The following AHR variants were observed in gnomAD, a reference collection of about 807,000 sequenced individuals.
AHR encodes the protein aryl hydrocarbon receptor, also known as AH-receptor.
In AHR, 40 loss-of-function variants were observed where a neutral mutation model predicts 86.8. The observed-to-expected ratio is 0.46, with a 90% CI of 0.36 to 0.60. The LOEUF is 0.60. AHR is among the 20% of genes least tolerant of loss of function. AHR has a pLI of 0.00. For synonymous variants in AHR, 398 were observed against 354.9 expected, an observed-to-expected ratio of 1.12 and a Z score of -1.37; for missense variants, 1,001 against 1,011.6, an observed-to-expected ratio of 0.99 and a Z score of 0.14.
chr7:17,342,940 A>G lies in AHR; in HGVS notation c.2423A>G (p.Asn808Ser), dbSNP rs1253680357. The G allele has an allele frequency of 2.5e-6, 4 of 1,612,582 alleles. No homozygotes were observed. Among genetic ancestry groups the G allele is most frequent in the South Asian group, 2.2e-5 (2 of 90,530 alleles). Residue 808 changes from asparagine (N) to serine (S), a missense_variant, in exon 11 of 11, where the codon AAT becomes AGT. Around this residue, in one of 2 missense-constraint regions of AHR, gnomAD observed 607 missense variants for 543.1 expected, o/e 1.12. Coordinates refer to ENST00000242057, the MANE Select transcript of AHR (RefSeq NM_001621.5). Reference protein sequence around the residue: ...FLNKFQNGVLNETYPAELNNI... With the variant: ...FLNKFQNGVLSETYPAELNNI... ...TTTCAGTTTCAGAATGGAGTTTTAAATGAAACATATCCAGCTGAATTAAAT... is the reference window on the plus strand; with the variant it reads ...TTTCAGTTTCAGAATGGAGTTTTAAGTGAAACATATCCAGCTGAATTAAAT...
chr7:17,329,658 T>C (rs1250897086), intron 4 of AHR, among the ~76,000 whole-genome samples: 1 of 151,894 alleles, frequency 6.6e-6, no homozygotes, highest in Non-Finnish European at 1.5e-5. Context: ...ATATGGAACA[T>C]AAACAGATTT....
chr7:17,334,377 G>C (rs73081742), intron 7 of AHR, among the ~76,000 whole-genome samples: 1 of 151,850 alleles, frequency 6.6e-6, no homozygotes, highest in African/African-American at 2.4e-5. Context: ...ATTTATGTTG[G>C]TTTGTTTTAC....
In AHR at chr7:17,331,016, G is replaced by A; in HGVS notation, c.705+130G>A. ...ATCAGGCAACCCTCAGAACCAGAGA[G>A]CTTCAGAGAGCTCACTTAAAAACAT... On this transcript the variant is annotated intron_variant, in intron 6 of 10. Coordinates refer to ENST00000242057, the MANE Select transcript of AHR (RefSeq NM_001621.5). 2.8e-5 allele frequency: 26 copies of A among 922,334 alleles called. 1 individual carries two copies. The highest frequency in any genetic ancestry group is 4.1e-5 in the Non-Finnish European group (26 of 638,124). The allele number at this position is 922,334 out of a possible 1,614,324, so 57.1% of individuals were successfully genotyped here. A position where few individuals can be genotyped will look rare whatever the true frequency, so the allele number is the denominator to read the frequency against.
intron 3 of AHR, among the ~76,000 whole-genome samples, chr7:17,323,244 GT>G (rs1400919461): frequency 6.6e-6 from 1 of 152,054 alleles, no homozygotes; most frequent in Non-Finnish European, 1.5e-5. Flanking sequence ...TTTATGGAAT[GT>G]ATCTCTATTA....
intron 9 of AHR, chr7:17,336,027 T>A: frequency 8.6e-6 from 3 of 349,882 alleles, no homozygotes; most frequent in Middle Eastern, 7.5e-4. Context: ...ATCTTGGGCA[T>A]ATGAAAGACA....
intron 7 of AHR, 57 bp downstream of exon 7, chr7:17,334,171 C>G: frequency 6.9e-7 from 1 of 1,447,186 alleles, no homozygotes; most frequent in Non-Finnish European, 9.7e-7. Flanking sequence ...TTCAGTAAGT[C>G]TCTCTTAGCA....
At chr7:17,337,783 G>A (rs1359650204) in intron 9 of AHR, among the ~76,000 whole-genome samples, 2 of 151,222 alleles carry the variant, frequency 1.3e-5, no homozygotes, top group Admixed American at 1.3e-4. Context: ...CCCTTTTTAC[G>A]TTTTTCTATG....
Position 17,339,071 on chromosome 7 carries a change from G to T in AHR, c.1246G>T (p.Ala416Ser), listed in dbSNP as rs748278630. Residue 416 changes from alanine to serine, a missense_variant, in exon 10 of 11, where the codon GCA (alanine) becomes TCA (serine). Coordinates refer to ENST00000242057, the MANE Select transcript of AHR (RefSeq NM_001621.5). Reference protein sequence around the residue: ...FTTGEAVLYEATNPFPAIMDP... With the variant: ...FTTGEAVLYESTNPFPAIMDP... ...CACTGGAGAAGCTGTGTTGTATGAGGCAACCAACCCTTTTCCTGCCATAAT... is the reference window on the plus strand; with the variant it reads ...CACTGGAGAAGCTGTGTTGTATGAGTCAACCAACCCTTTTCCTGCCATAAT... The T allele has an allele frequency of 6.2e-7, 1 of 1,614,052 alleles. No homozygotes were observed. The highest frequency in any genetic ancestry group is 1.1e-5 in the South Asian group (1 of 91,074).
chr7:17,336,193 A>G (rs1782353078), intron 9 of AHR: 1 of 155,682 alleles, frequency 6.4e-6, no homozygotes, highest in Non-Finnish European at 1.4e-5. Context: ...GTTTCCTCCC[A>G]CTCTGGAGAA....
intron 5 of AHR, among the ~76,000 whole-genome samples, chr7:17,330,373 C>A (rs1181355680): frequency 6.6e-6 from 1 of 151,788 alleles, no homozygotes; most frequent in East Asian, 1.9e-4. Context: ...AAGGTTGATA[C>A]CTGAGTGCAT....
At chr7:17,310,782 C>T (rs772274840) in intron 2 of AHR, among the ~76,000 whole-genome samples, 4 of 152,080 alleles carry the variant, frequency 2.6e-5, no homozygotes, top group Non-Finnish European at 5.9e-5. Flanking sequence ...GTGATCTGCC[C>T]GTCTCAGCCT....
In AHR at chr7:17,329,945, T is replaced by C. The variant is rs1782268669; in HGVS notation, c.451-7T>C. On this transcript the variant is annotated splice_region_variant and splice_polypyrimidine_tract_variant and intron_variant, in intron 4 of 10. Coordinates refer to ENST00000242057, the MANE Select transcript of AHR (RefSeq NM_001621.5). Reference sequence around the variant, plus strand: ...TTTGTTGTATTCCTTGTATCTTTTTTCTTTAGTCTGATGTCATACATCAGA... The same window carrying C: ...TTTGTTGTATTCCTTGTATCTTTTTCCTTTAGTCTGATGTCATACATCAGA... 1 of 1,597,194 alleles carries C rather than the reference T, an allele frequency of 6.3e-7. No individual in the cohort carries two copies.
At chr7:17,342,881 G>T in intron 10 of AHR, 40 bp from the exon 11 acceptor site, 1 of 1,578,536 alleles carries the variant, frequency 6.3e-7, no homozygotes, top group Non-Finnish European at 8.7e-7. Context: ...ATACTTGGAA[G>T]ATCTATTCCA....
chr7:17,338,480 G>A (rs991599362), intron 9 of AHR, among the ~76,000 whole-genome samples: 2 of 152,124 alleles, frequency 1.3e-5, no homozygotes, highest in Non-Finnish European at 2.9e-5. Flanking sequence ...TCAGACTCCA[G>A]AGTAGCTGAA....
At position 17,339,185 on chromosome 7, in the gene AHR, A is replaced by G; in HGVS notation, c.1360A>G (p.Ser454Gly). The G allele has an allele frequency of 1.2e-6, 2 of 1,614,180 alleles. No individual in the cohort carries two copies. The highest frequency in any genetic ancestry group is 1.7e-6 in the Non-Finnish European group (2 of 1,180,020). Residue 454 changes from serine to glycine, a missense_variant, in exon 10 of 11, where the codon AGT (serine) becomes GGT (glycine). Physicochemically the swap from Ser to Gly is moderately conservative, Grantham distance 56. Transcript: ENST00000242057. ...STLSKDSLNP[S>G]SLLAAMMQQD... ...TCTAAGCAAGGACTCTCTCAATCCTAGTTCCCTCCTGGCTGCCATGATGCA... is the reference window on the plus strand; with the variant it reads ...TCTAAGCAAGGACTCTCTCAATCCTGGTTCCCTCCTGGCTGCCATGATGCA...
intron 1 of AHR, among the ~76,000 whole-genome samples, chr7:17,308,826 G>T (rs1162719471): frequency 6.6e-6 from 1 of 151,928 alleles, no homozygotes; most frequent in Non-Finnish European, 1.5e-5. Flanking sequence ...TCACTGAAAA[G>T]AAATTATCTA....
intron 9 of AHR, among the ~76,000 whole-genome samples, chr7:17,337,476 G>GTTTT (rs371840495): frequency 7.4e-6 from 1 of 134,602 alleles, no homozygotes. Context: ...ACATCTTTCT[G>GTTTT]TTTTTTTTTT....
At chr7:17,305,540 A>G (rs1781996570) in intron 1 of AHR, among the ~76,000 whole-genome samples, 1 of 152,256 alleles carries the variant, frequency 6.6e-6, no homozygotes, top group Non-Finnish European at 1.5e-5. Flanking sequence ...GGAAGGGCAC[A>G]GGGTCAGGTA....
At chr7:17,299,415 C>A in intron 1 of AHR, 86 bp downstream of exon 1, 1 of 1,455,854 alleles carries the variant, frequency 6.9e-7, no homozygotes, top group Non-Finnish European at 9.4e-7. Flanking sequence ...GCCCCCAAAT[C>A]CCTGCGATCC....
Sources: allele counts gnomAD v4.1 joint callset (sites outside exome capture counted in the v4.1 genomes callset), GRCh38; gene constraint gnomAD v4.1.1; regional missense constraint gnomAD v4.1.1; transcripts MANE v1.5; gene names NCBI Gene and HGNC (gene_info 2026-07-23, HGNC 2026-07-21).